ICE1: variants seen among roughly 807,000 people sequenced by gnomAD.
ICE1 encodes interactor of little elongation complex ELL subunit 1, also known as little elongation complex subunit 1.
Under a neutral mutation model 192.7 loss-of-function variants are expected in ICE1, and 64 were observed. The ratio of observed to expected loss-of-function variants is 0.33; its 90% CI spans 0.27 to 0.41. The LOEUF (loss-of-function observed/expected upper bound fraction) is 0.41, where lower values mean the gene tolerates loss of function less well. Among genes scored for constraint, ICE1 ranks in the 10% least tolerant of loss-of-function variants. The probability of loss-of-function intolerance (pLI) is 1.00; values close to 1 mark genes in which losing one functional copy is unlikely to be tolerated. For synonymous variants in ICE1, 1,010 were observed against 984.5 expected, an observed-to-expected ratio of 1.03 and a Z score of -0.49; for missense variants, 2,708 against 2,696.0, an observed-to-expected ratio of 1.00 and a Z score of -0.10.
chr5:5,430,734 C>T (rs555412544), intron 1 of ICE1, among the ~76,000 whole-genome samples: 1 of 152,156 alleles, frequency 6.6e-6, no homozygotes, highest in Non-Finnish European at 1.5e-5. Flanking sequence ...TCTTCTTTCT[C>T]CATTTGTTCA....
At chr5:5,426,772 A>G (rs953367389) in intron 1 of ICE1, among the ~76,000 whole-genome samples, 11 of 152,384 alleles carry the variant, frequency 7.2e-5, no homozygotes, top group African/African-American at 2.2e-4. Context: ...CTTTTGGTCA[A>G]TTAGTAGATA....
At chr5:5,448,968 G>A (rs1021478811) in intron 10 of ICE1, among the ~76,000 whole-genome samples, 4 of 152,182 alleles carry the variant, frequency 2.6e-5, no homozygotes, top group African/African-American at 9.7e-5. Context: ...ACGTGACAAC[G>A]TTTGCTTTCC....
intron 1 of ICE1, among the ~76,000 whole-genome samples, chr5:5,430,087 C>T (rs899696216): frequency 3.9e-5 from 6 of 152,146 alleles, no homozygotes; most frequent in African/African-American, 9.7e-5. Context: ...AAGCGATAAT[C>T]GAGGAAACAA....
intron 2 of ICE1, 151 bp from the exon 3 acceptor site, chr5:5,436,929 A>G (rs1327248125): frequency 8.3e-6 from 5 of 606,012 alleles, no homozygotes; most frequent in East Asian, 2.8e-5. Flanking sequence ...CTTTTGAGAA[A>G]TTTAAGGTGA....
chr5:5,462,167 C>G lies in ICE1; in HGVS notation c.2833C>G (p.Pro945Ala). Residue 945 changes from proline (P) to alanine (A), a missense_variant, in exon 13 of 19, where the codon CCA (proline) becomes GCA (alanine). Coordinates refer to ENST00000296564, the MANE Select transcript of ICE1 (RefSeq NM_015325.3). ...LDFNSPGGSS[P>A]VENSDCSTNS... ...TTTTAATTCTCCAGGTGGTTCTTCACCAGTAGAAAATTCTGATTGTTCCAC... is the reference window on the plus strand; with the variant it reads ...TTTTAATTCTCCAGGTGGTTCTTCAGCAGTAGAAAATTCTGATTGTTCCAC... 6.2e-7 allele frequency: 1 copy of G among 1,613,190 alleles called. No individual in the cohort carries two copies.
At position 5,462,555 on chromosome 5, in the gene ICE1, C is replaced by A; in HGVS notation, c.3221C>A (p.Ala1074Glu). 1 of 1,614,016 alleles carries A rather than the reference C, an allele frequency of 6.2e-7. No homozygotes were observed. The highest frequency in any genetic ancestry group is 8.5e-7 in the Non-Finnish European group (1 of 1,179,886). The stretch of plus-strand genomic sequence containing the variant: ...ACCACAGACACTACTTTTTCTTCAG[C>A]ATTTTGCAGAAAACATGGAGAGACA... ...FGTTDTTFSS[A>E]FCRKHGETQD... The change falls in exon 13 of 19, where the codon GCA becomes GAA. Residue 1074 changes from alanine (A) to glutamate (E), a missense_variant. Coordinates refer to ENST00000296564, the MANE Select transcript of ICE1 (RefSeq NM_015325.3).
chr5:5,458,193 A>G (rs899628613), intron 12 of ICE1, among the ~76,000 whole-genome samples: 1 of 152,216 alleles, frequency 6.6e-6, no homozygotes, highest in Non-Finnish European at 1.5e-5. Flanking sequence ...AATGGTTTAC[A>G]GTAGTTTCTT....
Position 5,461,294 on chromosome 5 carries a change from G to C in ICE1, c.1960G>C (p.Gly654Arg). Residue 654 changes from glycine (G) to arginine (R), a missense_variant, in exon 13 of 19, where the codon GGT (glycine) becomes CGT (arginine). By Grantham distance (125) the Gly-to-Arg change is moderately radical (BLOSUM62 -2). Transcript: ENST00000296564. ...CCAGTCTTCTTCTGGGTTAGACTGT[G>C]GTAATGATACAGATATTACTACTAA... is the stretch of plus-strand genomic sequence containing the variant. The part of the protein sequence containing the change: ...NPQSSSGLDC[G>R]NDTDITTKVF... The C allele has an allele frequency of 6.2e-7, 1 of 1,613,604 alleles. No homozygotes were observed. The highest frequency in any genetic ancestry group is 8.5e-7 in the Non-Finnish European group (1 of 1,179,664).
chr5:5,488,698 CTCT>C (rs1411330797), intron 18 of ICE1, among the ~76,000 whole-genome samples: 5 of 152,114 alleles, frequency 3.3e-5, no homozygotes, highest in Non-Finnish European at 7.3e-5. Context: ...TTCATTATAT[CTCT>C]TATTATGTTT....
intron 4 of ICE1, 117 bp downstream of exon 4, chr5:5,440,030 C>T: frequency 1.8e-6 from 1 of 555,194 alleles, no homozygotes; most frequent in Non-Finnish European, 3.1e-6. Context: ...TAGGATTACT[C>T]ATAATATAGA....
chr5:5,470,248 TAGAG>T (rs1326893429), intron 15 of ICE1, among the ~76,000 whole-genome samples: 3 of 152,090 alleles, frequency 2.0e-5, no homozygotes, highest in Non-Finnish European at 2.9e-5. Flanking sequence ...TACCTGTTCC[TAGAG>T]AGTTACTGTG....
intron 12 of ICE1, 56 bp downstream of exon 12, chr5:5,457,797 A>G: frequency 2.1e-6 from 3 of 1,443,870 alleles, no homozygotes; most frequent in Non-Finnish European, 2.9e-6. Context: ...CTATCCTAAT[A>G]TGTCCTTGAT....
In ICE1 at chr5:5,464,911, C is replaced by G; in HGVS notation, c.5577C>G (p.Thr1859=). ...RLDTGSPEPE[T]RGVTAEGIHK... ...ACACTGGGTCCCCAGAACCAGAAAC[C>G]AGGGGAGTCACTGCAGAAGGAATCC... Residue 1859 remains threonine (T), a synonymous_variant, in exon 13 of 19, where the codon ACC becomes ACG. Transcript: ENST00000296564. The surrounding 1 kb of genome is among the most constrained non-coding windows in gnomAD (Gnocchi z 4.0). The G allele has an allele frequency of 6.2e-7, 1 of 1,613,460 alleles. No individual in the cohort carries two copies. Among genetic ancestry groups the G allele is most frequent in the Admixed American group, 1.7e-5 (1 of 59,948 alleles).
chr5:5,438,246 A>G (rs1164642795), intron 3 of ICE1, among the ~76,000 whole-genome samples: 1 of 152,110 alleles, frequency 6.6e-6, no homozygotes. Context: ...GCACTGGGGG[A>G]CTGCCCCCGT....
At chr5:5,454,486 G>A (rs1738529369) in intron 10 of ICE1, 66 bp from the exon 11 acceptor site, 1 of 1,061,564 alleles carries the variant, frequency 9.4e-7, no homozygotes, top group Non-Finnish European at 1.4e-6. Context: ...TTTCACAGAA[G>A]TATGTTCTGG....
rs138860993 is a variant in ICE1 at position 5,462,568 on chromosome 5, A to C, written c.3234A>C (p.Lys1078Asn). Residue 1078 changes from lysine (K) to asparagine (N), a missense_variant, in exon 13 of 19, where the codon AAA becomes AAC. Coordinates refer to ENST00000296564, the MANE Select transcript of ICE1 (RefSeq NM_015325.3). Reference protein sequence around the residue: ...DTTFSSAFCRKHGETQDTSQS... With the variant: ...DTTFSSAFCRNHGETQDTSQS... ...CTTTTTCTTCAGCATTTTGCAGAAA[A>C]CATGGAGAGACACAGGATACCTCCC... The C allele has an allele frequency of 5.0e-6, 8 of 1,614,004 alleles. No homozygotes were observed. The East Asian group carries it at 1.8e-4, about 36-fold the overall frequency.
intron 17 of ICE1, among the ~76,000 whole-genome samples, chr5:5,485,190 T>G (rs1739609611): frequency 6.6e-6 from 1 of 152,212 alleles, no homozygotes; most frequent in African/African-American, 2.4e-5. Context: ...TATCTGTATT[T>G]ACTTTGTTAG....
In ICE1 at chr5:5,463,654, A is replaced by G. The variant is rs1738877037; in HGVS notation, c.4320A>G (p.Thr1440=). ...TCTTGCCACATGTGGACCAGGTCAC[A>G]CTGTGTGACATTCCTGGAGACATCC... ...VAVLPHVDQV[T]LCDIPGDIPI... Residue 1440 remains threonine (T), a synonymous_variant, in exon 13 of 19, where the codon ACA becomes ACG. Transcript: ENST00000296564. The G allele has an allele frequency of 8.1e-6, 13 of 1,614,030 alleles. No homozygotes were observed. Among genetic ancestry groups the G allele is most frequent in the Non-Finnish European group, 1.1e-5 (13 of 1,179,884 alleles).
intron 14 of ICE1, among the ~76,000 whole-genome samples, chr5:5,468,314 G>A (rs1037512473): frequency 3.3e-5 from 5 of 151,818 alleles, no homozygotes; most frequent in African/African-American, 1.2e-4. Context: ...TGACTGTTGT[G>A]GTGGTGGTTT....
Sources: allele counts gnomAD v4.1 joint callset (sites outside exome capture counted in the v4.1 genomes callset), GRCh38; gene constraint gnomAD v4.1.1; non-coding constraint Gnocchi (gnomAD v3.1); transcripts MANE v1.5; gene names NCBI Gene and HGNC (gene_info 2026-07-23, HGNC 2026-07-21).